DNPH1: variants seen among roughly 807,000 people sequenced by gnomAD.
DNPH1 encodes the protein 5-hydroxymethyl-dUMP N-hydrolase.
DNPH1 carries 18 observed loss-of-function variants against 15.7 expected under a neutral mutation model. That is an observed-to-expected ratio of 1.15 (90% CI 0.79 to 1.70). DNPH1 has a LOEUF of 1.70. Ranked by LOEUF, DNPH1 falls within the 40% of genes most tolerant of loss-of-function variation. The pLI is 0.00. For synonymous variants in DNPH1, 114 were observed against 107.9 expected, an observed-to-expected ratio of 1.06 and a Z score of -0.35; for missense variants, 262 against 255.2, an observed-to-expected ratio of 1.03 and a Z score of -0.18.
chr6:43,229,388 C>A lies in DNPH1; in HGVS notation c.69G>T (p.Leu23=). The change falls in exon 1 of 4, where the codon CTG becomes CTT. Residue 23 remains leucine, a synonymous_variant. Coordinates refer to ENST00000230431, the MANE Select transcript of DNPH1 (RefSeq NM_006443.3). ...CGCCGCGAATGCTCCCGCAGAAGTA[C>A]AGGGCCGGGCGGCCAGGCTCCCCGC... The part of the protein sequence containing the change: ...WERGEPGRPA[L]YFCGSIRGGR... 1.4e-6 allele frequency: 2 copies of A among 1,460,206 alleles called. No homozygotes were observed. The highest frequency in any genetic ancestry group is 1.8e-6 in the Non-Finnish European group (2 of 1,105,818). The allele number at this position is 1,460,206 out of a possible 1,614,324, so 90.5% of individuals were successfully genotyped here.
At chr6:43,228,805 G>A (rs1776779026) in intron 1 of DNPH1, among the ~76,000 whole-genome samples, 1 of 151,448 alleles carries the variant, frequency 6.6e-6, no homozygotes, top group Non-Finnish European at 1.5e-5. Flanking sequence ...CAGCCTGGGC[G>A]ACAGAGTGAG....
At chr6:43,227,225 GC>G (rs1776756601) in intron 1 of DNPH1, among the ~76,000 whole-genome samples, 1 of 152,120 alleles carries the variant, frequency 6.6e-6, no homozygotes, top group Non-Finnish European at 1.5e-5. Context: ...GACCAGTCTG[GC>G]CAACATGGTG....
Position 43,226,474 on chromosome 6 carries a change from C to A in DNPH1, c.197-79G>T. On this transcript the variant is annotated intron_variant, in intron 1 of 3. Coordinates refer to ENST00000230431, the MANE Select transcript of DNPH1 (RefSeq NM_006443.3). The surrounding 1 kb of genome is among the most constrained non-coding windows in gnomAD (Gnocchi z 4.1). ...TCCTATGCCCTTGTATGTCCATACCCACCCTGCTCAGGGAGGGTGGGAGCC... is the reference window on the plus strand; with the variant it reads ...TCCTATGCCCTTGTATGTCCATACCAACCCTGCTCAGGGAGGGTGGGAGCC... 7.5e-7 allele frequency: 1 copy of A among 1,337,992 alleles called. No homozygotes were observed. Among genetic ancestry groups the A allele is most frequent in the Non-Finnish European group, 1.0e-6 (1 of 983,670 alleles). 82.9% of individuals were successfully genotyped at this position (1,337,992 alleles called of 1,614,324 possible).
Position 43,226,131 on chromosome 6 carries a change from T to C in DNPH1, c.278A>G (p.Glu93Gly). Residue 93 changes from glutamate to glycine, a missense_variant, in exon 3 of 4, where the codon GAA (glutamate) becomes GGA (glycine). Physicochemically the swap from Glu to Gly is moderately conservative, Grantham distance 98 (BLOSUM62 -2). Coordinates refer to ENST00000230431, the MANE Select transcript of DNPH1 (RefSeq NM_006443.3). The surrounding 1 kb of genome is among the most constrained non-coding windows in gnomAD (Gnocchi z 4.1). The part of the protein sequence containing the change: ...WLQQADVVVA[E>G]VTQPSLGVGY... ...TACACCCAAGGATGGCTGTGTCACT[T>C]CTGCCACGACCACTGGGAGGAAAGA... is the stretch of plus-strand genomic sequence containing the variant. 6.2e-7 allele frequency: 1 copy of C among 1,613,306 alleles called. No homozygotes were observed.
rs772476415 is a variant in DNPH1 at position 43,226,050 on chromosome 6, C to T, written c.359G>A (p.Arg120His). 33 of 1,613,642 alleles carry T rather than the reference C, an allele frequency of 2.0e-5. No homozygotes were observed. Among genetic ancestry groups the T allele is most frequent in the Middle Eastern group, 1.6e-4 (1 of 6,082 alleles). The change falls in exon 3 of 4, where the codon CGC (arginine) becomes CAC (histidine). Residue 120 changes from arginine to histidine, a missense_variant. Physicochemically the swap from Arg to His is conservative, Grantham distance 29. Transcript: ENST00000230431. This position sits in a 1 kb window ranked among gnomAD's most constrained non-coding sequence, Gnocchi z 4.1. ...AFNKRILCLF[R>H]PQSGRVLSAM... ...GTGCTCACCGCGGCCAGACTGCGGG[C>T]GGAACAGGCACAGGATCCGCTTGTT...
intron 1 of DNPH1, among the ~76,000 whole-genome samples, chr6:43,228,031 C>T (rs1161135020): frequency 6.6e-6 from 1 of 152,096 alleles, no homozygotes; most frequent in Non-Finnish European, 1.5e-5. Context: ...CAGAGGTTAG[C>T]AGTGAGCTGA....
intron 1 of DNPH1, among the ~76,000 whole-genome samples, chr6:43,227,926 T>TA (rs1231747669): frequency 6.6e-6 from 1 of 151,702 alleles, no homozygotes. Context: ...CCCGTCCCTA[T>TA]AAAAAATACA....
chr6:43,225,944 T>C (rs747743342), intron 3 of DNPH1, 63 bp from the exon 4 acceptor site: 3 of 1,613,636 alleles, frequency 1.9e-6, no homozygotes, highest in South Asian at 1.1e-5. Context: ...CCCTTACCCC[T>C]TGGGAGAGGC....
chr6:43,228,115 G>A (rs982152383), intron 1 of DNPH1, among the ~76,000 whole-genome samples: 3 of 151,960 alleles, frequency 2.0e-5, no homozygotes, highest in African/African-American at 7.3e-5. Flanking sequence ...TAAATAGAAA[G>A]AGAAAGAAAA....
In DNPH1 at chr6:43,229,389, A is replaced by G. The variant is rs776237012; in HGVS notation, c.68T>C (p.Leu23Pro). ...GCCGCGAATGCTCCCGCAGAAGTAC[A>G]GGGCCGGGCGGCCAGGCTCCCCGCG... ...WERGEPGRPA[L>P]YFCGSIRGGR... The change falls in exon 1 of 4, where the codon CTG becomes CCG. Residue 23 changes from leucine (L) to proline (P), a missense_variant. Physicochemically the swap from Leu to Pro is moderately conservative, Grantham distance 98. Coordinates refer to ENST00000230431, the MANE Select transcript of DNPH1 (RefSeq NM_006443.3). 5.5e-5 allele frequency: 81 copies of G among 1,460,180 alleles called. No homozygotes were observed. The East Asian group carries it at 2.1e-3, about 38-fold the overall frequency. The allele number at this position is 1,460,180 out of a possible 1,614,324, so 90.5% of individuals were successfully genotyped here. A position where few individuals can be genotyped will look rare whatever the true frequency, so the allele number is the denominator to read the frequency against.
chr6:43,227,652 G>T (rs949388893), intron 1 of DNPH1, among the ~76,000 whole-genome samples: 4 of 151,996 alleles, frequency 2.6e-5, no homozygotes, highest in Non-Finnish European at 1.5e-5. Context: ...AGAATTGCAT[G>T]AGGTCCCACA....
At position 43,226,564 on chromosome 6, in the gene DNPH1, C is replaced by A; in HGVS notation, c.197-169G>T. On this transcript the variant is annotated intron_variant, in intron 1 of 3. Coordinates refer to ENST00000230431, the MANE Select transcript of DNPH1 (RefSeq NM_006443.3). This position sits in a 1 kb window ranked among gnomAD's most constrained non-coding sequence, Gnocchi z 4.1. Reference sequence around the variant, plus strand: ...AAGCAGCGAGGAAATGGAATAGCCACAAAAAGAAAAATTCAACCCTATGCA... The same window carrying A: ...AAGCAGCGAGGAAATGGAATAGCCAAAAAAAGAAAAATTCAACCCTATGCA... 1 of 617,070 alleles carries A rather than the reference C, an allele frequency of 1.6e-6. No homozygotes were observed. Among genetic ancestry groups the A allele is most frequent in the Non-Finnish European group, 2.8e-6 (1 of 358,948 alleles). The allele number at this position is 617,070 out of a possible 1,614,324, so 38.2% of individuals were successfully genotyped here. A position where few individuals can be genotyped will look rare whatever the true frequency, so the allele number is the denominator to read the frequency against.
At position 43,226,080 on chromosome 6, in the gene DNPH1, G is replaced by C. The variant is rs759539447; in HGVS notation, c.329C>G (p.Ala110Gly). 1.2e-6 allele frequency: 2 copies of C among 1,613,672 alleles called. No homozygotes were observed. Among genetic ancestry groups the C allele is most frequent in the Admixed American group, 1.7e-5 (1 of 60,020 alleles). ...GVGYELGRAVAFNKRILCLFR... is the reference protein window; with the variant it reads ...GVGYELGRAVGFNKRILCLFR... ...CAGGCACAGGATCCGCTTGTTAAAGGCCACGGCCCGGCCCAGCTCATAGCC... is the reference window on the plus strand; with the variant it reads ...CAGGCACAGGATCCGCTTGTTAAAGCCCACGGCCCGGCCCAGCTCATAGCC... The change falls in exon 3 of 4, where the codon GCC becomes GGC. Residue 110 changes from alanine to glycine, a missense_variant. Coordinates refer to ENST00000230431, the MANE Select transcript of DNPH1 (RefSeq NM_006443.3). This position sits in a 1 kb window ranked among gnomAD's most constrained non-coding sequence, Gnocchi z 4.1.
At position 43,226,474 on chromosome 6, in the gene DNPH1, C is replaced by G; in HGVS notation, c.197-79G>C. 1 of 1,337,994 alleles carries G rather than the reference C, an allele frequency of 7.5e-7. No individual in the cohort carries two copies. The highest frequency in any genetic ancestry group is 1.4e-5 in the South Asian group (1 of 71,726). 82.9% of individuals were successfully genotyped at this position (1,337,994 alleles called of 1,614,324 possible). On this transcript the variant is annotated intron_variant, in intron 1 of 3. Transcript: ENST00000230431. This position sits in a 1 kb window ranked among gnomAD's most constrained non-coding sequence, Gnocchi z 4.1. ...TCCTATGCCCTTGTATGTCCATACC[C>G]ACCCTGCTCAGGGAGGGTGGGAGCC...
chr6:43,229,364 G>A lies in DNPH1; in HGVS notation c.93C>T (p.Gly31=). The A allele has an allele frequency of 1.3e-6, 2 of 1,485,332 alleles. No homozygotes were observed. Among genetic ancestry groups the A allele is most frequent in the Non-Finnish European group, 1.8e-6 (2 of 1,119,234 alleles). 92.0% of individuals were successfully genotyped at this position (1,485,332 alleles called of 1,614,324 possible). Residue 31 remains glycine (G), a synonymous_variant, in exon 1 of 4, where the codon GGC becomes GGT. Transcript: ENST00000230431. ...CGTACAGCGTCCTGTCCTCGCGTCCGCCGCGAATGCTCCCGCAGAAGTACA... is the reference window on the plus strand; with the variant it reads ...CGTACAGCGTCCTGTCCTCGCGTCCACCGCGAATGCTCCCGCAGAAGTACA... The part of the protein sequence containing the change: ...PALYFCGSIR[G]GREDRTLYER...
chr6:43,226,426 G>A lies in DNPH1; in HGVS notation c.197-31C>T. The A allele has an allele frequency of 1.3e-6, 2 of 1,596,220 alleles. No homozygotes were observed. Among genetic ancestry groups the A allele is most frequent in the Middle Eastern group, 1.7e-4 (1 of 6,014 alleles). On this transcript the variant is annotated intron_variant, in intron 1 of 3. Transcript: ENST00000230431. The surrounding 1 kb of genome is among the most constrained non-coding windows in gnomAD (Gnocchi z 4.1). ...TTGAGGGAAAGCTGGTCAAGGACAT[G>A]CCTCATGCTGGCTCCCAGTAACTCC... is the stretch of plus-strand genomic sequence containing the variant.
At chr6:43,225,999 A>C (rs1382362488) in intron 3 of DNPH1, 34 bp downstream of exon 3, 1 of 1,613,522 alleles carries the variant, frequency 6.2e-7, no homozygotes, top group Non-Finnish European at 8.5e-7. Context: ...GGCTGGGTCC[A>C]TAGAAAGCCA....
rs756528851 is a variant in DNPH1 at position 43,229,311 on chromosome 6, A to C, written c.146T>G (p.Phe49Cys). 4 of 1,483,744 alleles carry C rather than the reference A, an allele frequency of 2.7e-6. No individual in the cohort carries two copies. The highest frequency in any genetic ancestry group is 3.6e-6 in the Non-Finnish European group (4 of 1,120,224). The allele number at this position is 1,483,744 out of a possible 1,614,324, so 91.9% of individuals were successfully genotyped here. ...CACGTGCTCGGTGAGCACTGTCCCG[A>C]ATCGCCGCAGCCGAGACACGATCCG... is the stretch of plus-strand genomic sequence containing the variant. ...YERIVSRLRR[F>C]GTVLTEHVAA... Residue 49 changes from phenylalanine (F) to cysteine (C), a missense_variant, in exon 1 of 4, where the codon TTC becomes TGC. Physicochemically the swap from Phe to Cys is radical, Grantham distance 205. Coordinates refer to ENST00000230431, the MANE Select transcript of DNPH1 (RefSeq NM_006443.3).
Position 43,229,464 on chromosome 6 carries a change from C to T in DNPH1, c.-8G>A. ...CACCATGGCAGCAGCCATTCCCCAG[C>T]CGCCCGCGCTCTCCGGCGCCAGGGG... On this transcript the variant is annotated 5_prime_UTR_variant, in exon 1 of 4. Coordinates refer to ENST00000230431, the MANE Select transcript of DNPH1 (RefSeq NM_006443.3). 7.8e-7 allele frequency: 1 copy of T among 1,289,672 alleles called. No homozygotes were observed. The highest frequency in any genetic ancestry group is 9.8e-7 in the Non-Finnish European group (1 of 1,021,030). 79.9% of individuals were successfully genotyped at this position (1,289,672 alleles called of 1,614,324 possible).
Sources: gnomAD v4.1 joint callset for allele counts (sites outside exome capture counted in the v4.1 genomes callset) on GRCh38, gnomAD v4.1.1 for gene constraint, Gnocchi (gnomAD v3.1) non-coding constraint, MANE v1.5 for transcripts, NCBI Gene and HGNC (gene_info 2026-07-23, HGNC 2026-07-21) for gene names.